Variants in KIF26B observed in about 807,000 individuals in gnomAD.
KIF26B encodes kinesin-like protein KIF26B.
Under a neutral mutation model 151.2 loss-of-function variants are expected in KIF26B, and 63 were observed. The ratio of observed to expected loss-of-function variants is 0.42; its 90% CI spans 0.34 to 0.51. The LOEUF (loss-of-function observed/expected upper bound fraction) is 0.51, where lower values mean the gene tolerates loss of function less well. Among genes scored for constraint, KIF26B ranks in the 20% least tolerant of loss-of-function variants. The pLI is 0.07. For missense variants in KIF26B, 2,813 were observed against 2,913.6 expected, an observed-to-expected ratio of 0.97 and a Z score of 0.79; for synonymous variants, 1,357 against 1,262.1, an observed-to-expected ratio of 1.08 and a Z score of -1.59.
intron 3 of KIF26B, among the ~76,000 whole-genome samples, chr1:245,404,309 C>G (rs1340091667): frequency 1.3e-5 from 2 of 151,356 alleles, no homozygotes; most frequent in African/African-American, 2.4e-5. Context: ...AAGATTGGCT[C>G]TATTTTAAAT....
At chr1:245,529,559 C>T (rs1661314564) in intron 4 of KIF26B, among the ~76,000 whole-genome samples, 1 of 152,144 alleles carries the variant, frequency 6.6e-6, no homozygotes, top group African/African-American at 2.4e-5. Context: ...ATGCCAATGA[C>T]TATTTTTTTA....
intron 2 of KIF26B, among the ~76,000 whole-genome samples, chr1:245,278,974 C>G (rs1573748583): frequency 6.6e-6 from 1 of 152,160 alleles, no homozygotes; most frequent in South Asian, 2.1e-4. Context: ...AGCCCAGGCT[C>G]TCCTCAGATT....
intron 5 of KIF26B, among the ~76,000 whole-genome samples, chr1:245,571,681 T>C (rs1572134432): frequency 6.6e-6 from 1 of 152,226 alleles, no homozygotes; most frequent in African/African-American, 2.4e-5. Flanking sequence ...AAGCTGTCTG[T>C]GTAGACAGTG....
chr1:245,546,829 T>C (rs1661751967), intron 5 of KIF26B, among the ~76,000 whole-genome samples: 1 of 152,242 alleles, frequency 6.6e-6, no homozygotes. Context: ...AATTGTTAGC[T>C]CTTCTGGGAA....
At chr1:245,394,688 C>CTTTTTT (rs900497785) in intron 3 of KIF26B, among the ~76,000 whole-genome samples, 7 of 123,174 alleles carry the variant, frequency 5.7e-5, no homozygotes, top group Admixed American at 8.3e-5. Context: ...TTTTTTCTTT[C>CTTTTTT]TTTTTTTTTT....
In KIF26B at chr1:245,508,398, G is replaced by A. The variant is rs146901850; in HGVS notation, c.1167-32369G>A. ...TGTGACTACTGGCGCCCGCCACCAC[G>A]CCCGGCTAATTTTTTGTATTTCTAG... On this transcript the variant is annotated intron_variant, in intron 4 of 14. Transcript: ENST00000407071. 9.3e-3 allele frequency among the ~76,000 whole-genome samples: 1,414 copies of A among 152,142 alleles called. 26 individuals are homozygous for A. The highest frequency in any genetic ancestry group is 0.033 in the African/African-American group (1,362 of 41,498).
At chr1:245,259,450 G>T (rs1670594404) in intron 2 of KIF26B, among the ~76,000 whole-genome samples, 1 of 152,144 alleles carries the variant, frequency 6.6e-6, no homozygotes, top group South Asian at 2.1e-4. Context: ...AAATACCCTT[G>T]TCAGATCAGT....
At chr1:245,319,575 C>T (rs1239339610) in intron 2 of KIF26B, among the ~76,000 whole-genome samples, 1 of 151,880 alleles carries the variant, frequency 6.6e-6, no homozygotes, top group East Asian at 1.9e-4. Flanking sequence ...GGATTACAAA[C>T]TATTCCGTGA....
At chr1:245,225,490 A>G (rs972852024) in intron 2 of KIF26B, among the ~76,000 whole-genome samples, 1 of 152,186 alleles carries the variant, frequency 6.6e-6, no homozygotes, top group Non-Finnish European at 1.5e-5. Flanking sequence ...GGATGCTTAC[A>G]CCGGCCGTGT....
intron 10 of KIF26B, among the ~76,000 whole-genome samples, chr1:245,653,421 G>A (rs1472856347): frequency 6.6e-6 from 1 of 152,164 alleles, no homozygotes; most frequent in Non-Finnish European, 1.5e-5. Flanking sequence ...AGCCCCCGGT[G>A]AGAGTATTTC....
chr1:245,390,953 C>CAAAAAAAAAA (rs1491437625), intron 3 of KIF26B, among the ~76,000 whole-genome samples: 4 of 48,812 alleles, frequency 8.2e-5, no homozygotes, highest in African/African-American at 2.8e-4. Context: ...AAAAAAAAAA[C>CAAAAAAAAAA]CACCATAAAA....
rs76509455 is a variant in KIF26B at position 245,387,725 on chromosome 1, G to A, written c.999+20358G>A. On this transcript the variant is annotated intron_variant, in intron 3 of 14. Coordinates refer to ENST00000407071, the MANE Select transcript of KIF26B (RefSeq NM_018012.4). The stretch of plus-strand genomic sequence containing the variant: ...CCGCAACAAACTAAAAAAAATCCCC[G>A]ATATTTCTGCTTCCCTAATATGCAT... Among the ~76,000 whole-genome samples the A allele has an allele frequency of 6.1e-3, 925 of 152,178 alleles. 15 individuals carry two copies. The highest frequency in any genetic ancestry group is 0.021 in the African/African-American group (873 of 41,510).
intron 2 of KIF26B, among the ~76,000 whole-genome samples, chr1:245,255,348 T>C (rs1201418462): frequency 6.6e-6 from 1 of 152,218 alleles, no homozygotes; most frequent in East Asian, 1.9e-4. Flanking sequence ...CAACTAAGTG[T>C]CCAGCTTCAT....
chr1:245,240,763 C>T (rs1201235160), intron 2 of KIF26B, among the ~76,000 whole-genome samples: 1 of 152,104 alleles, frequency 6.6e-6, no homozygotes, highest in African/African-American at 2.4e-5. Flanking sequence ...GCAGGAGATG[C>T]CGCTGTGGGA....
In KIF26B at chr1:245,534,745, T is replaced by C. The variant is rs188372826; in HGVS notation, c.1167-6022T>C. Among the ~76,000 whole-genome samples, 302 of 152,188 alleles carry C rather than the reference T, an allele frequency of 2.0e-3. 1 individual carries two copies. Among genetic ancestry groups the C allele is most frequent in the Middle Eastern group, 3.4e-3 (1 of 294 alleles). Reference sequence around the variant, plus strand: ...AAAGAAAGAACTTATCAGGCATTAATTACATAAAATATACTTCTAATCAAA... The same window carrying C: ...AAAGAAAGAACTTATCAGGCATTAACTACATAAAATATACTTCTAATCAAA... On this transcript the variant is annotated intron_variant, in intron 4 of 14. Transcript: ENST00000407071.
At position 245,485,474 on chromosome 1, in the gene KIF26B, C is replaced by T. The variant is rs547194019; in HGVS notation, c.1167-55293C>T. ...TCTCGGCTCACTGCAACCTCCACCTCCCAGGCTCATGTGATTCTCCTGCCC... is the reference window on the plus strand; with the variant it reads ...TCTCGGCTCACTGCAACCTCCACCTTCCAGGCTCATGTGATTCTCCTGCCC... On this transcript the variant is annotated intron_variant, in intron 4 of 14. Transcript: ENST00000407071. Among the ~76,000 whole-genome samples the T allele has an allele frequency of 2.6e-3, 390 of 151,832 alleles. 1 individual carries two copies. Among genetic ancestry groups the T allele is most frequent in the African/African-American group, 9.2e-3 (381 of 41,404 alleles).
chr1:245,661,708 C>T (rs1261312239), intron 10 of KIF26B, among the ~76,000 whole-genome samples: 4 of 75,840 alleles, frequency 5.3e-5, no homozygotes, highest in Non-Finnish European at 1.2e-4. Flanking sequence ...TACATATATA[C>T]ACACACACCA....
chr1:245,475,618 C>T (rs936030509), intron 4 of KIF26B, among the ~76,000 whole-genome samples: 3 of 151,762 alleles, frequency 2.0e-5, no homozygotes, highest in African/African-American at 4.8e-5. Flanking sequence ...AATCATATAC[C>T]GGTGGCCAAT....
At chr1:245,554,410 C>CATCT (rs1383203394) in intron 5 of KIF26B, among the ~76,000 whole-genome samples, 21 of 152,284 alleles carry the variant, frequency 1.4e-4, no homozygotes, top group African/African-American at 5.1e-4. Flanking sequence ...CCTCTTAGTC[C>CATCT]ATCTGGTCAT....
Sources: allele counts gnomAD v4.1 joint callset (sites outside exome capture counted in the v4.1 genomes callset), GRCh38; gene constraint gnomAD v4.1.1; transcripts MANE v1.5; gene names NCBI Gene and HGNC (gene_info 2026-07-23, HGNC 2026-07-21).